The following GPC6 variants were observed in gnomAD, a reference collection of about 807,000 sequenced individuals.
GPC6 encodes the protein glypican-6.
Under a neutral mutation model 55.2 loss-of-function variants are expected in GPC6, and 14 were observed. That is an observed-to-expected ratio of 0.25 (90% confidence interval 0.17 to 0.40). The LOEUF (loss-of-function observed/expected upper bound fraction) is 0.40. Among genes scored for constraint, GPC6 ranks in the 10% least tolerant of loss-of-function variants. The probability of loss-of-function intolerance (pLI) is 1.00; values close to 1 mark genes in which losing one functional copy is unlikely to be tolerated. For missense variants in GPC6, 641 were observed against 708.5 expected, an observed-to-expected ratio of 0.90 and a Z score of 1.08; for synonymous variants, 278 against 259.6, an observed-to-expected ratio of 1.07 and a Z score of -0.68.
At chr13:93,424,542 T>C (rs1019084111) in intron 1 of GPC6, among the ~76,000 whole-genome samples, 1 of 152,042 alleles carries the variant, frequency 6.6e-6, no homozygotes, top group Non-Finnish European at 1.5e-5. Context: ...GGCCTTAAAT[T>C]TCCACTGAAC....
intron 2 of GPC6, among the ~76,000 whole-genome samples, chr13:93,575,088 GT>G (rs1472579510): frequency 6.6e-6 from 1 of 152,148 alleles, no homozygotes; most frequent in Non-Finnish European, 1.5e-5. Flanking sequence ...GAGGTCAGGA[GT>G]TCAAGACAAG....
chr13:93,704,426 T>C (rs1882776357), intron 2 of GPC6, among the ~76,000 whole-genome samples: 1 of 151,960 alleles, frequency 6.6e-6, no homozygotes, highest in African/African-American at 2.4e-5. Flanking sequence ...GTTAAATGAT[T>C]AAAGCAGGAA....
intron 1 of GPC6, among the ~76,000 whole-genome samples, chr13:93,379,315 T>A (rs574404872): frequency 1.1e-4 from 16 of 152,022 alleles, no homozygotes; most frequent in East Asian, 9.7e-4. Flanking sequence ...TCATAAATAC[T>A]TTTATAACCT....
At chr13:93,292,598 G>T (rs1018677008) in intron 1 of GPC6, among the ~76,000 whole-genome samples, 34 of 152,056 alleles carry the variant, frequency 2.2e-4, no homozygotes, top group African/African-American at 8.0e-4. Flanking sequence ...ACATATTATG[G>T]AATAAATGGG....
At chr13:93,533,619 C>G (rs1341951457) in intron 1 of GPC6, among the ~76,000 whole-genome samples, 1 of 152,114 alleles carries the variant, frequency 6.6e-6, no homozygotes, top group Non-Finnish European at 1.5e-5. Context: ...CTGAAGCTCT[C>G]TGTTTTGTGA....
rs142136386 is a variant in GPC6 at position 93,855,399 on chromosome 13, G to A, written c.711+24854G>A. 5.7e-3 allele frequency among the ~76,000 whole-genome samples: 869 copies of A among 151,686 alleles called. 14 individuals are homozygous for A. Among genetic ancestry groups the A allele is most frequent in the African/African-American group, 0.02 (836 of 41,456 alleles). ...GATTCAATAATATTCCATTATCTGG[G>A]TGTAACACAATTTTATTTATCCATT... On this transcript the variant is annotated intron_variant, in intron 3 of 8. Transcript: ENST00000377047.
At chr13:94,171,264 C>T (rs979370142) in intron 4 of GPC6, among the ~76,000 whole-genome samples, 11 of 152,122 alleles carry the variant, frequency 7.2e-5, no homozygotes, top group African/African-American at 2.7e-4. Flanking sequence ...AGCAAATTTA[C>T]CCTTACACGC....
intron 4 of GPC6, among the ~76,000 whole-genome samples, chr13:94,254,364 C>T (rs1338167507): frequency 1.3e-5 from 2 of 152,020 alleles, no homozygotes; most frequent in Non-Finnish European, 2.9e-5. Flanking sequence ...TTTTGTTTGC[C>T]TCTACCTTTG....
At chr13:93,425,656 T>C (rs1415895655) in intron 1 of GPC6, among the ~76,000 whole-genome samples, 3 of 152,184 alleles carry the variant, frequency 2.0e-5, no homozygotes, top group Non-Finnish European at 2.9e-5. Flanking sequence ...AGAGAGTTTG[T>C]TGTGAAACCA....
chr13:94,375,435 C>T (rs915520194), intron 6 of GPC6, among the ~76,000 whole-genome samples: 12 of 151,904 alleles, frequency 7.9e-5, no homozygotes, highest in African/African-American at 2.9e-4. Context: ...TGCAAATAAA[C>T]TAGAAAATCT....
At chr13:93,505,954 A>T (rs1284991020) in intron 1 of GPC6, among the ~76,000 whole-genome samples, 1 of 152,190 alleles carries the variant, frequency 6.6e-6, no homozygotes, top group Non-Finnish European at 1.5e-5. Flanking sequence ...TAGACTCGTT[A>T]TTCCCATTCC....
At chr13:93,802,454 G>A (rs185852797) in intron 2 of GPC6, among the ~76,000 whole-genome samples, 108 of 151,852 alleles carry the variant, frequency 7.1e-4, no homozygotes, top group Middle Eastern at 3.4e-3. Context: ...CAGAAGTACA[G>A]TGGCACAATC....
intron 1 of GPC6, among the ~76,000 whole-genome samples, chr13:93,415,958 A>T (rs1383027818): frequency 6.6e-6 from 1 of 152,148 alleles, no homozygotes; most frequent in African/African-American, 2.4e-5. Context: ...TCAACATGAC[A>T]TTAACAATCT....
At chr13:94,109,839 A>T (rs1886179008) in intron 4 of GPC6, among the ~76,000 whole-genome samples, 1 of 152,126 alleles carries the variant, frequency 6.6e-6, no homozygotes, top group Non-Finnish European at 1.5e-5. Context: ...AGTGATGAGT[A>T]TTGATTATTA....
chr13:93,954,059 A>T (rs115625639), intron 3 of GPC6, among the ~76,000 whole-genome samples: 1 of 152,028 alleles, frequency 6.6e-6, no homozygotes, highest in South Asian at 2.1e-4. Context: ...GTCACTCCCT[A>T]GTCCTCCCTC....
At chr13:94,157,721 TC>T (rs1366953997) in intron 4 of GPC6, among the ~76,000 whole-genome samples, 3 of 151,852 alleles carry the variant, frequency 2.0e-5, no homozygotes, top group Non-Finnish European at 2.9e-5. Context: ...CTTGGGAAGT[TC>T]CCCCTAACAG....
At chr13:93,479,972 G>T (rs1359656068) in intron 1 of GPC6, among the ~76,000 whole-genome samples, 1 of 152,148 alleles carries the variant, frequency 6.6e-6, no homozygotes, top group Non-Finnish European at 1.5e-5. Context: ...TGAAATCATT[G>T]CTGGGAAATG....
At chr13:93,695,943 A>G (rs1002816932) in intron 2 of GPC6, among the ~76,000 whole-genome samples, 28 of 152,166 alleles carry the variant, frequency 1.8e-4, no homozygotes, top group Non-Finnish European at 1.3e-4. Flanking sequence ...AATTATGAGT[A>G]TCATCCAGAT....
At chr13:94,377,267 A>C (rs1204341639) in intron 6 of GPC6, among the ~76,000 whole-genome samples, 218 of 143,072 alleles carry the variant, frequency 1.5e-3, no homozygotes, top group African/African-American at 5.3e-3. Flanking sequence ...CAACCTACAA[A>C]ATGGGAGAAA....
Sources: allele counts gnomAD v4.1 joint callset (sites outside exome capture counted in the v4.1 genomes callset), GRCh38; gene constraint gnomAD v4.1.1; transcripts MANE v1.5; gene names NCBI Gene and HGNC (gene_info 2026-07-23, HGNC 2026-07-21).